Variants in EVL observed in about 807,000 individuals in gnomAD.
EVL encodes ena/VASP-like protein.
Under a neutral mutation model 59.6 loss-of-function variants are expected in EVL, and 21 were observed. That is an observed-to-expected ratio of 0.35 (90% CI 0.25 to 0.51). The LOEUF (loss-of-function observed/expected upper bound fraction) is 0.51, where lower values mean the gene tolerates loss of function less well. Ranked by LOEUF, EVL falls within the 20% of genes least tolerant of loss-of-function variation. The pLI, the probability that EVL is intolerant of heterozygous loss-of-function variation, is 0.97. For missense variants in EVL, 462 were observed against 546.6 expected (o/e 0.85, Z 1.54); for synonymous variants, 198 against 203.5 (o/e 0.97, Z 0.23).
chr14:100,062,519 A>G (rs967485633), upstream of EVL, among the ~76,000 whole-genome samples: 1 of 152,198 alleles, frequency 6.6e-6, no homozygotes, highest in Non-Finnish European at 1.5e-5. Flanking sequence ...AATACAGGAA[A>G]CGAAGAACAG....
chr14:100,105,227 G>A (rs1316469479), intron 3 of EVL, among the ~76,000 whole-genome samples: 1 of 152,080 alleles, frequency 6.6e-6, no homozygotes, highest in Non-Finnish European at 1.5e-5. Flanking sequence ...TGTTGTCTCA[G>A]TCATCCCTGC....
At chr14:100,101,034 G>T (rs181509916) in intron 3 of EVL, among the ~76,000 whole-genome samples, 1 of 152,172 alleles carries the variant, frequency 6.6e-6, no homozygotes, top group African/African-American at 2.4e-5. Context: ...TTTTCCTTGG[G>T]CATGTTTCTG....
rs1886848974 is a variant in EVL at position 100,109,919 on chromosome 14, T to C, written c.358+12261T>C. ...AGGAGTGTGCCCTTGGGCATGTCAC[T>C]GACCTAAGACTCAGTTTCGCCATCT... On this transcript the variant is annotated intron_variant, in intron 3 of 13. Transcript: ENST00000392920. This position sits in a 1 kb window ranked among gnomAD's most constrained non-coding sequence, Gnocchi z 4.3. Among the ~76,000 whole-genome samples the C allele has an allele frequency of 1.3e-5, 2 of 152,232 alleles. No homozygotes were observed. Among genetic ancestry groups the C allele is most frequent in the Admixed American group, 6.5e-5 (1 of 15,290 alleles).
rs1235069966 is a variant in EVL at position 100,108,883 on chromosome 14, A to G, written c.358+11225A>G. On this transcript the variant is annotated intron_variant, in intron 3 of 13. Coordinates refer to ENST00000392920, the MANE Select transcript of EVL (RefSeq NM_016337.3). The surrounding 1 kb of genome is among the most constrained non-coding windows in gnomAD (Gnocchi z 4.1). The stretch of plus-strand genomic sequence containing the variant: ...ACTGCATGAATCTAGTCAGGTTGGA[A>G]ATTCAGAAAGTGGCCTCTTTGTCTC... 6.6e-6 allele frequency among the ~76,000 whole-genome samples: 1 copy of G among 152,188 alleles called. No homozygotes were observed. Among genetic ancestry groups the G allele is most frequent in the African/African-American group, 2.4e-5 (1 of 41,436 alleles).
At chr14:100,139,145 AC>A (rs1889001201) in intron 11 of EVL, 2 of 152,276 alleles carry the variant, frequency 1.3e-5, no homozygotes, top group Admixed American at 1.3e-4. Flanking sequence ...CCTGGAGCAG[AC>A]ACGGCAGCAA....
intron 1 of EVL, among the ~76,000 whole-genome samples, chr14:100,043,606 T>C (rs1228105794): frequency 1.8e-4 from 12 of 68,554 alleles, no homozygotes; most frequent in East Asian, 3.6e-4. Context: ...TTCCTCTGCC[T>C]TTTTTTTTTT....
chr14:100,060,535 G>A (rs1398775079), upstream of EVL, among the ~76,000 whole-genome samples: 4 of 152,054 alleles, frequency 2.6e-5, no homozygotes, highest in Admixed American at 2.6e-4. Context: ...CAGAAGAAAG[G>A]GTAGTGGACT....
chr14:99,972,878 T>G lies in EVL; in HGVS notation c.5+821T>G, dbSNP rs955773990. On this transcript the variant is annotated intron_variant, in intron 1 of 13. Transcript: ENST00000402714. The surrounding 1 kb of genome is among the most constrained non-coding windows in gnomAD (Gnocchi z 4.4). ...ACTGTAGTTTGTAACTATAGTTTCG[T>G]TTTGCCTGTTTTGTATTATTTATGA... Among the ~76,000 whole-genome samples the G allele has an allele frequency of 2.0e-5, 3 of 152,104 alleles. No individual in the cohort carries two copies. The highest frequency in any genetic ancestry group is 4.4e-5 in the Non-Finnish European group (3 of 68,002).
At chr14:100,019,604 G>A in intron 1 of EVL, 2 of 1,446,754 alleles carry the variant, frequency 1.4e-6, no homozygotes, top group South Asian at 2.6e-5. Flanking sequence ...CTAACTAAAT[G>A]GTTGTCCTCC....
chr14:100,006,994 A>G (rs1293778276), intron 1 of EVL, among the ~76,000 whole-genome samples: 1 of 152,008 alleles, frequency 6.6e-6, no homozygotes, highest in Non-Finnish European at 1.5e-5. Context: ...GGTTAGGGGC[A>G]CCTTCACTCA....
At chr14:100,008,178 C>CT (rs2060995433) in intron 1 of EVL, among the ~76,000 whole-genome samples, 1 of 152,156 alleles carries the variant, frequency 6.6e-6, no homozygotes, top group African/African-American at 2.4e-5. Context: ...TGCTGGTTCT[C>CT]TCCTCCAGCC....
At chr14:100,132,403 C>A in intron 7 of EVL, among the ~76,000 whole-genome samples, 1 of 152,124 alleles carries the variant, frequency 6.6e-6, no homozygotes, top group South Asian at 2.1e-4. Flanking sequence ...GGGGACAGAG[C>A]GTGCCCGCCT....
At chr14:99,986,117 C>T (rs1339912454) in intron 1 of EVL, among the ~76,000 whole-genome samples, 2 of 151,940 alleles carry the variant, frequency 1.3e-5, no homozygotes, top group Non-Finnish European at 2.9e-5. Context: ...CATGGCTAAA[C>T]CCTGTCCCTA....
At chr14:99,982,529 A>G (rs1310046138) in intron 1 of EVL, among the ~76,000 whole-genome samples, 2 of 152,198 alleles carry the variant, frequency 1.3e-5, no homozygotes, top group Non-Finnish European at 1.5e-5. Flanking sequence ...GCACCAAAGG[A>G]AGGACTTTGG....
chr14:100,097,602 C>G lies in EVL; in HGVS notation c.302C>G (p.Thr101Ser), dbSNP rs1434085560. 4 of 1,614,146 alleles carry G rather than the reference C, an allele frequency of 2.5e-6. No homozygotes were observed. The highest frequency in any genetic ancestry group is 2.5e-6 in the Non-Finnish European group (3 of 1,180,008). Residue 101 changes from threonine to serine, a missense_variant, in exon 3 of 14, where the codon ACC becomes AGC. Transcript: ENST00000392920. Reference protein sequence around the residue: ...GLNFASKEEATTFSNAMLFAL... With the variant: ...GLNFASKEEASTFSNAMLFAL... The stretch of plus-strand genomic sequence containing the variant: ...AACTTTGCAAGTAAAGAAGAGGCAA[C>G]CACGTTCTCCAATGCAATGCTGTTT...
chr14:100,067,144 A>G (rs2061946843), intron 1 of EVL, among the ~76,000 whole-genome samples: 1 of 152,192 alleles, frequency 6.6e-6, no homozygotes, highest in African/African-American at 2.4e-5. Context: ...GCACTCTGCC[A>G]CAGGTCCCTG....
intron 1 of EVL, among the ~76,000 whole-genome samples, chr14:100,026,697 C>T (rs766495941): frequency 6.6e-6 from 1 of 152,228 alleles, no homozygotes; most frequent in Non-Finnish European, 1.5e-5. Flanking sequence ...ACATCTTCTT[C>T]TCTACCAAAG....
chr14:100,077,939 A>ATT (rs58939163), intron 1 of EVL, among the ~76,000 whole-genome samples: 8 of 150,944 alleles, frequency 5.3e-5, no homozygotes, highest in African/African-American at 1.5e-4. Context: ...TGCCCGGCTA[A>ATT]TTTTTTTTTG....
At chr14:100,058,873 G>A (rs73347834) in intron 1 of EVL, among the ~76,000 whole-genome samples, 199 of 152,174 alleles carry the variant, frequency 1.3e-3, no homozygotes, top group African/African-American at 4.6e-3. Context: ...TTTTATCTAC[G>A]TACGTGTAAT....
Sources: allele counts gnomAD v4.1 joint callset (sites outside exome capture counted in the v4.1 genomes callset), GRCh38; gene constraint gnomAD v4.1.1; non-coding constraint Gnocchi (gnomAD v3.1); transcripts MANE v1.5; gene names NCBI Gene and HGNC (gene_info 2026-07-23, HGNC 2026-07-21).